The following EXT1 variants were observed in gnomAD, a reference collection of about 807,000 sequenced individuals.
EXT1 encodes the protein exostosin glycosyltransferase 1, also known as exostosin-1.
Under a neutral mutation model 82.5 loss-of-function variants are expected in EXT1, and 20 were observed. The observed-to-expected ratio is 0.24, with a 90% CI of 0.17 to 0.35. EXT1 has a LOEUF of 0.35. Among genes scored for constraint, EXT1 ranks in the 10% least tolerant of loss-of-function variants. The pLI, the probability that EXT1 is intolerant of heterozygous loss-of-function variation, is 1.00. For missense variants in EXT1, 757 were observed against 936.5 expected (o/e 0.81, Z 2.50); for synonymous variants, 348 against 350.8 (o/e 0.99, Z 0.09).
intron 1 of EXT1, among the ~76,000 whole-genome samples, chr8:118,100,262 C>T (rs547894668): frequency 6.6e-6 from 1 of 152,218 alleles, no homozygotes; most frequent in East Asian, 1.9e-4. Context: ...TGAGAACTTA[C>T]GAGAGCAGTT....
intron 1 of EXT1, among the ~76,000 whole-genome samples, chr8:118,085,479 GTTTT>G (rs58866328): frequency 1.1e-4 from 14 of 126,736 alleles, no homozygotes; most frequent in East Asian, 2.4e-4. Context: ...GGCTGTTTTT[GTTTT>G]TTTTTTTTTT....
At chr8:118,010,371 CAAAAAAAA>C (rs56865464) in intron 1 of EXT1, among the ~76,000 whole-genome samples, 1 of 56,008 alleles carries the variant, frequency 1.8e-5, no homozygotes, top group South Asian at 6.8e-4. Flanking sequence ...GACTCCGTCT[CAAAAAAAA>C]AAAAAAAAAA....
Position 117,822,587 on chromosome 8 carries a change from T to A in EXT1, c.1295A>T (p.Asp432Val). The change falls in exon 5 of 11, where the codon GAC becomes GTC. Residue 432 changes from aspartate to valine, a missense_variant. Physicochemically the swap from Asp to Val is radical, Grantham distance 152. Coordinates refer to ENST00000378204, the MANE Select transcript of EXT1 (RefSeq NM_000127.3). Reference sequence around the variant, plus strand: ...ACGTGATATGTGCTTGAATATTCTGTCCTGAATAATCTAGAAAATAAAACA... The same window carrying A: ...ACGTGATATGTGCTTGAATATTCTGACCTGAATAATCTAGAAAATAAAACA... ...IVLTTLEIIQ[D>V]RIFKHISRNS... 6.2e-7 allele frequency: 1 copy of A among 1,612,864 alleles called. No individual in the cohort carries two copies. The highest frequency in any genetic ancestry group is 8.5e-7 in the Non-Finnish European group (1 of 1,179,648).
intron 1 of EXT1, among the ~76,000 whole-genome samples, chr8:118,106,473 C>A (rs1424614594): frequency 6.6e-6 from 1 of 152,204 alleles, no homozygotes; most frequent in Admixed American, 6.5e-5. Flanking sequence ...GATCACTTAC[C>A]TCCAAGACCC....
intron 4 of EXT1, among the ~76,000 whole-genome samples, chr8:117,826,647 T>C (rs1232355677): frequency 6.6e-6 from 1 of 152,208 alleles, no homozygotes; most frequent in East Asian, 1.9e-4. Flanking sequence ...AGTTATGAAG[T>C]ATTTTGGGAA....
At chr8:117,854,556 A>G (rs1157239962) in intron 1 of EXT1, among the ~76,000 whole-genome samples, 1 of 152,224 alleles carries the variant, frequency 6.6e-6, no homozygotes, top group Non-Finnish European at 1.5e-5. Flanking sequence ...GCTGCTGGTA[A>G]GTGTTAAAGG....
At position 117,807,335 on chromosome 8, in the gene EXT1, T is replaced by C. The variant is rs1823254644; in HGVS notation, c.1765A>G (p.Ile589Val). ...TGGCTGCGCGCGGGGTACCCCACAA[T>C]CCTCTCAGGGAAGCTCTGCCACACT... ...FTVWQSFPER[I>V]VGYPARSHFW... Residue 589 changes from isoleucine to valine, a missense_variant, in exon 9 of 11, where the codon ATT becomes GTT. Transcript: ENST00000378204. 6.2e-7 allele frequency: 1 copy of C among 1,614,014 alleles called. No homozygotes were observed. The highest frequency in any genetic ancestry group is 1.7e-5 in the Admixed American group (1 of 59,998).
rs1460308167 is a variant in EXT1 at position 117,858,805 on chromosome 8, C to CAGGAAGGAAGGAAGGAAGGAAGGAAGG, written c.963-21605_963-21604insCCTTCCTTCCTTCCTTCCTTCCTTCCT. Among the ~76,000 whole-genome samples the CAGGAAGGAAGGAAGGAAGGAAGGAAGG allele has an allele frequency of 1.0e-4, 7 of 66,758 alleles. 1 individual carries two copies. The highest frequency in any genetic ancestry group is 2.5e-4 in the African/African-American group (3 of 11,834). 43.8% of individuals were successfully genotyped at this position (66,758 alleles called of 152,430 possible). A position where few individuals can be genotyped will look rare whatever the true frequency, so the allele number is the denominator to read the frequency against. ...GGCAGGCAGGCAAGGCAAGGCAAGG[C>CAGGAAGGAAGGAAGGAAGGAAGGAAGG]AAGGCAGGAAGGAAGGAAGGAAGGA... On this transcript the variant is annotated intron_variant, in intron 1 of 10. Transcript: ENST00000378204.
chr8:118,100,504 C>T (rs1485313273), intron 1 of EXT1, among the ~76,000 whole-genome samples: 2 of 152,124 alleles, frequency 1.3e-5, no homozygotes, highest in Non-Finnish European at 2.9e-5. Context: ...AATCCCAGCA[C>T]TTTGGGAGGC....
At chr8:117,951,460 T>G (rs1218895477) in intron 1 of EXT1, among the ~76,000 whole-genome samples, 1 of 152,204 alleles carries the variant, frequency 6.6e-6, no homozygotes, top group Admixed American at 6.5e-5. Context: ...GATGTAAACT[T>G]GATTCATGTA....
intron 1 of EXT1, among the ~76,000 whole-genome samples, chr8:117,966,069 C>G (rs1171633049): frequency 6.6e-6 from 1 of 151,892 alleles, no homozygotes; most frequent in Non-Finnish European, 1.5e-5. Context: ...GTTTTGTTAG[C>G]CAAATAATCA....
intron 1 of EXT1, among the ~76,000 whole-genome samples, chr8:117,989,360 C>T (rs1378855342): frequency 1.3e-5 from 2 of 152,052 alleles, no homozygotes; most frequent in Admixed American, 1.3e-4. Flanking sequence ...ACTGCCCCTG[C>T]CCCCCACTAT....
chr8:118,106,410 G>A (rs931943328), intron 1 of EXT1, among the ~76,000 whole-genome samples: 7 of 152,158 alleles, frequency 4.6e-5, no homozygotes, highest in Non-Finnish European at 7.3e-5. Context: ...CCCCTGAAAC[G>A]TTCTGTCCCT....
chr8:117,828,064 T>A (rs1427182981), intron 4 of EXT1, among the ~76,000 whole-genome samples: 1 of 151,978 alleles, frequency 6.6e-6, no homozygotes, highest in Non-Finnish European at 1.5e-5. Flanking sequence ...TGAGAAAATA[T>A]TAACATTATT....
intron 1 of EXT1, among the ~76,000 whole-genome samples, chr8:117,855,077 T>C (rs958339849): frequency 6.6e-6 from 1 of 152,242 alleles, no homozygotes; most frequent in Non-Finnish European, 1.5e-5. Context: ...GGTTTTCTGA[T>C]TGCTGCATTC....
intron 1 of EXT1, among the ~76,000 whole-genome samples, chr8:117,942,612 GA>G (rs1399141074): frequency 1.5e-4 from 23 of 152,254 alleles, no homozygotes; most frequent in Non-Finnish European, 2.9e-4. Context: ...TCGGGAGGCT[GA>G]GGCAGGAGAA....
intron 1 of EXT1, among the ~76,000 whole-genome samples, chr8:117,989,443 AC>A (rs990016514): frequency 6.6e-6 from 1 of 151,972 alleles, no homozygotes; most frequent in Non-Finnish European, 1.5e-5. Context: ...GAGAACAAAG[AC>A]CCTTAAGTGT....
At chr8:117,941,299 GA>G (rs1292965118) in intron 1 of EXT1, among the ~76,000 whole-genome samples, 69 of 152,214 alleles carry the variant, frequency 4.5e-4, no homozygotes, top group African/African-American at 1.6e-3. Flanking sequence ...TATTATGCAG[GA>G]AATACACAGC....
At chr8:117,800,862 A>C (rs1221806057) in intron 10 of EXT1, among the ~76,000 whole-genome samples, 1 of 152,246 alleles carries the variant, frequency 6.6e-6, no homozygotes, top group African/African-American at 2.4e-5. Context: ...TGCCTTAATG[A>C]CTGGAGTGCT....
Sources: allele counts gnomAD v4.1 joint callset (sites outside exome capture counted in the v4.1 genomes callset), GRCh38; gene constraint gnomAD v4.1.1; transcripts MANE v1.5; gene names NCBI Gene and HGNC (gene_info 2026-07-23, HGNC 2026-07-21).